Variants in TRMT11 observed in about 807,000 individuals in gnomAD.
TRMT11 encodes tRNA methyltransferase 11.
A neutral mutation model predicts 62.8 loss-of-function variants in TRMT11; 53 were observed. That is an observed-to-expected ratio of 0.84 (90% CI 0.68 to 1.06). The LOEUF (loss-of-function observed/expected upper bound fraction) is 1.06. TRMT11 is among the 50% of genes least tolerant of loss of function. The pLI, the probability that TRMT11 is intolerant of heterozygous loss-of-function variation, is 0.00. For synonymous variants in TRMT11, 188 were observed against 190.3 expected (o/e 0.99, Z 0.10); for missense variants, 556 against 553.4 (o/e 1.00, Z -0.05).
intron 17 of TRMT11, among the ~76,000 whole-genome samples, chr6:126,076,056 T>G (rs977343621): frequency 1.3e-5 from 2 of 151,996 alleles, no homozygotes; most frequent in African/African-American, 4.8e-5. Context: ...TCAACTAGAA[T>G]TGTATGCATC....
chr6:126,002,187 G>A (rs1287973013), intron 7 of TRMT11, among the ~76,000 whole-genome samples: 2 of 152,124 alleles, frequency 1.3e-5, no homozygotes, highest in African/African-American at 4.8e-5. Context: ...AAATATATAT[G>A]CATATATACA....
At chr6:126,204,445 C>T (rs1258473274), downstream of TRMT11, among the ~76,000 whole-genome samples, 2 of 152,194 alleles carry the variant, frequency 1.3e-5, no homozygotes, top group Non-Finnish European at 2.9e-5. Flanking sequence ...ATTGTATATA[C>T]TAGAATCCCT....
chr6:126,088,163 T>C lies in TRMT11; in HGVS notation c.*1438-24703T>C, dbSNP rs565983687. Among the ~76,000 whole-genome samples the C allele has an allele frequency of 8.7e-4, 132 of 152,124 alleles. 2 individuals are homozygous for C. In the South Asian group the frequency reaches 0.027, roughly 31 times the overall value. Reference sequence around the variant, plus strand: ...CTATATATAGTATATATACTCTCTATAGTATATAGTAAGCACTCAGTAAGC... The same window carrying C: ...CTATATATAGTATATATACTCTCTACAGTATATAGTAAGCACTCAGTAAGC... On this transcript the variant is annotated intron_variant and NMD_transcript_variant, in intron 17 of 22. Transcript: ENST00000648977.
chr6:126,155,858 C>A (rs1778113593), intron 21 of TRMT11, among the ~76,000 whole-genome samples: 1 of 152,178 alleles, frequency 6.6e-6, no homozygotes, highest in East Asian at 1.9e-4. Context: ...GTAGCTGGGA[C>A]TACACGTGCC....
At chr6:126,265,324 A>G in the TRMT11 span, among the ~76,000 whole-genome samples, 1 of 152,138 alleles carries the variant, frequency 6.6e-6, no homozygotes, top group Admixed American at 6.6e-5. Flanking sequence ...TTTTTGCTGT[A>G]TATATCCCTA....
chr6:126,239,965 C>G, the TRMT11 span, among the ~76,000 whole-genome samples: 1 of 152,112 alleles, frequency 6.6e-6, no homozygotes, highest in Non-Finnish European at 1.5e-5. Flanking sequence ...ATTTGATCTT[C>G]CATCACTGAT....
chr6:126,262,885 G>C, the TRMT11 span, among the ~76,000 whole-genome samples: 75 of 152,000 alleles, frequency 4.9e-4, no homozygotes, highest in South Asian at 3.5e-3. Flanking sequence ...TATTTCCCTG[G>C]TGCTTTTCAG....
chr6:126,247,553 AATAAATATATAAATATATATATAT>A, the TRMT11 span, among the ~76,000 whole-genome samples: 1 of 147,108 alleles, frequency 6.8e-6, no homozygotes, highest in Non-Finnish European at 1.5e-5. Flanking sequence ...TAAAAATATA[AATAAATATATAAATATATATATAT>A]AATAGTCATT....
chr6:126,074,665 A>G (rs1257807373), intron 17 of TRMT11, among the ~76,000 whole-genome samples: 1 of 151,984 alleles, frequency 6.6e-6, no homozygotes. Flanking sequence ...TTTATGTGTT[A>G]TTTTCCTCAA....
chr6:126,152,460 C>T (rs901422833), intron 21 of TRMT11, among the ~76,000 whole-genome samples: 2 of 152,098 alleles, frequency 1.3e-5, no homozygotes, highest in African/African-American at 2.4e-5. Context: ...GAAGTCACTG[C>T]CCTCTGCCCT....
downstream of TRMT11, among the ~76,000 whole-genome samples, chr6:126,039,620 G>A (rs907772843): frequency 2.0e-5 from 3 of 152,052 alleles, no homozygotes; most frequent in African/African-American, 7.2e-5. Context: ...TGAAATAGAA[G>A]CTATATTTTT....
chr6:126,240,363 A>G, the TRMT11 span, among the ~76,000 whole-genome samples: 1 of 152,124 alleles, frequency 6.6e-6, no homozygotes, highest in Non-Finnish European at 1.5e-5. Context: ...GTCTTTGATG[A>G]TAGTGACGTA....
chr6:126,105,515 C>A (rs560758761), intron 17 of TRMT11, among the ~76,000 whole-genome samples: 1 of 151,954 alleles, frequency 6.6e-6, no homozygotes, highest in Non-Finnish European at 1.5e-5. Context: ...CCAGATGATG[C>A]GGGGTAGAGG....
intron 21 of TRMT11, among the ~76,000 whole-genome samples, chr6:126,119,479 A>AT (rs1218913569): frequency 1.0e-4 from 10 of 96,844 alleles, no homozygotes; most frequent in Admixed American, 9.1e-5. Flanking sequence ...TTCTTCTTTG[A>AT]TAAAAAAAAA....
chr6:126,130,206 T>C (rs550762149), intron 21 of TRMT11, among the ~76,000 whole-genome samples: 1 of 151,956 alleles, frequency 6.6e-6, no homozygotes, highest in Non-Finnish European at 1.5e-5. Context: ...CAACTGGAGG[T>C]AGAAGAGAGA....
chr6:126,014,726 A>G (rs1391908842), intron 11 of TRMT11, among the ~76,000 whole-genome samples: 4 of 152,198 alleles, frequency 2.6e-5, no homozygotes, highest in African/African-American at 7.2e-5. Context: ...CTGATAAGAG[A>G]GAATACATTT....
the TRMT11 span, among the ~76,000 whole-genome samples, chr6:126,241,625 C>T: frequency 3.9e-5 from 6 of 152,152 alleles, no homozygotes; most frequent in South Asian, 2.1e-4. Context: ...CCCTGGGATG[C>T]GAAGCTGGTT....
chr6:125,996,135 A>G (rs1791469752), intron 3 of TRMT11, 95 bp downstream of exon 3: 2 of 797,216 alleles, frequency 2.5e-6, no homozygotes, highest in South Asian at 3.8e-5. Flanking sequence ...GTGAAGGCTC[A>G]GTTTAGCTTG....
the TRMT11 span, among the ~76,000 whole-genome samples, chr6:126,261,124 T>C: frequency 6.6e-6 from 1 of 152,172 alleles, no homozygotes; most frequent in Non-Finnish European, 1.5e-5. Context: ...TCTCTTCTAT[T>C]CTTATTTTAT....
Sources: allele counts gnomAD v4.1 joint callset (sites outside exome capture counted in the v4.1 genomes callset), GRCh38; gene constraint gnomAD v4.1.1; transcripts MANE v1.5; gene names NCBI Gene and HGNC (gene_info 2026-07-23, HGNC 2026-07-21).